The following PPP2R2B variants were observed in gnomAD, a reference collection of about 807,000 sequenced individuals.
PPP2R2B encodes protein phosphatase 2 regulatory subunit Bbeta, also known as serine/threonine-protein phosphatase 2A 55 kDa regulatory subunit B beta isoform.
Under a neutral mutation model 46.0 loss-of-function variants are expected in PPP2R2B, and 5 were observed. That is an observed-to-expected ratio of 0.11 (90% CI 0.06 to 0.23). The LOEUF is 0.23. Among genes scored for constraint, PPP2R2B ranks in the 10% least tolerant of loss-of-function variants. The pLI is 1.00. For missense variants in PPP2R2B, 367 were observed against 575.0 expected (o/e 0.64, Z 3.70); for synonymous variants, 215 against 206.7 (o/e 1.04, Z -0.34).
At chr5:146,998,937 C>A (rs1754039857) in intron 1 of PPP2R2B, among the ~76,000 whole-genome samples, 1 of 149,176 alleles carries the variant, frequency 6.7e-6, no homozygotes, top group African/African-American at 2.5e-5. Flanking sequence ...GAGCGGGAAC[C>A]CGGGAGGCGG....
At chr5:146,978,071 A>T (rs904777615) in intron 1 of PPP2R2B, among the ~76,000 whole-genome samples, 1 of 152,156 alleles carries the variant, frequency 6.6e-6, no homozygotes, top group African/African-American at 2.4e-5. Flanking sequence ...CACCATTCTA[A>T]CTGGCATGAG....
chr5:146,652,887 A>C (rs984344839), intron 5 of PPP2R2B, among the ~76,000 whole-genome samples: 1 of 152,218 alleles, frequency 6.6e-6, no homozygotes, highest in Admixed American at 6.5e-5. Context: ...ATGGAAAACA[A>C]GTTAGAGGAA....
At chr5:147,037,601 C>A (rs1209560890) in intron 1 of PPP2R2B, among the ~76,000 whole-genome samples, 1 of 151,906 alleles carries the variant, frequency 6.6e-6, no homozygotes, top group African/African-American at 2.4e-5. Context: ...GTTGAGTGAG[C>A]AAGAAACTTT....
intron 2 of PPP2R2B, among the ~76,000 whole-genome samples, chr5:146,705,711 G>A (rs1436537068): frequency 6.6e-6 from 1 of 152,104 alleles, no homozygotes; most frequent in Non-Finnish European, 1.5e-5. Context: ...CTGAAATAGT[G>A]CATTTGAGCA....
At chr5:146,842,686 A>G (rs1167208149) in intron 2 of PPP2R2B, among the ~76,000 whole-genome samples, 1 of 151,816 alleles carries the variant, frequency 6.6e-6, no homozygotes, top group Non-Finnish European at 1.5e-5. Context: ...GTTCCTCTCT[A>G]TGTATCCGTG....
At chr5:146,745,156 A>AAC (rs1753097574) in intron 2 of PPP2R2B, among the ~76,000 whole-genome samples, 1 of 106,056 alleles carries the variant, frequency 9.4e-6, no homozygotes, top group African/African-American at 3.7e-5. Context: ...CGTGCAGAGA[A>AAC]AGACAGAGAG....
chr5:146,709,862 A>G (rs1450565307), intron 2 of PPP2R2B, among the ~76,000 whole-genome samples: 1 of 152,204 alleles, frequency 6.6e-6, no homozygotes, highest in Non-Finnish European at 1.5e-5. Context: ...GTTTTCTGTT[A>G]TATTCATCTA....
intron 1 of PPP2R2B, among the ~76,000 whole-genome samples, chr5:146,995,004 A>G (rs1303532467): frequency 6.6e-6 from 1 of 152,168 alleles, no homozygotes; most frequent in Non-Finnish European, 1.5e-5. Flanking sequence ...GTGGGTGCAG[A>G]AGAGACTCCC....
rs561979732 is a variant in PPP2R2B, at chr5:146,700,525, A to G, written c.168+520T>C. Among the ~76,000 whole-genome samples, 5 of 152,256 alleles carry G rather than the reference A, an allele frequency of 3.3e-5. No individual in the cohort carries two copies. The South Asian group carries it at 6.2e-4, about 19-fold the overall frequency. On this transcript the variant is annotated intron_variant, in intron 3 of 9. Transcript: ENST00000394411. ...CTCCAGGGCCCTCTGTGTCACCTAC[A>G]GTGATACTGTGATGTGTGTCATAAG...
chr5:146,675,619 A>G (rs1777657914), intron 5 of PPP2R2B, among the ~76,000 whole-genome samples: 1 of 152,164 alleles, frequency 6.6e-6, no homozygotes, highest in Non-Finnish European at 1.5e-5. Flanking sequence ...GGTGGCTGCT[A>G]TTGTTAGATT....
intron 1 of PPP2R2B, among the ~76,000 whole-genome samples, chr5:147,020,919 C>T (rs1032273788): frequency 8.5e-5 from 13 of 152,238 alleles, no homozygotes; most frequent in African/African-American, 3.1e-4. Context: ...ACTAAATTTT[C>T]CAGGTCTATT....
In PPP2R2B at chr5:146,638,730, A is replaced by G. The variant is rs190035464; in HGVS notation, c.626-315T>C. Among the ~76,000 whole-genome samples the G allele has an allele frequency of 2.3e-3, 349 of 152,340 alleles. 1 individual carries two copies. The highest frequency in any genetic ancestry group is 3.6e-3 in the Non-Finnish European group (245 of 68,032). On this transcript the variant is annotated intron_variant, in intron 6 of 9. Coordinates refer to ENST00000394411, the MANE Select transcript of PPP2R2B (RefSeq NM_181675.4). The stretch of plus-strand genomic sequence containing the variant: ...TAACTGCTTGTGCAATCAGGCTAAA[A>G]TGTACCAAGTTGCAAAGATTTTGCT...
upstream of PPP2R2B, among the ~76,000 whole-genome samples, chr5:147,060,626 T>G (rs1324997737): frequency 6.6e-6 from 1 of 152,056 alleles, no homozygotes; most frequent in Non-Finnish European, 1.5e-5. Flanking sequence ...AGTGAGAGTC[T>G]GTCTTAAAAA....
chr5:146,921,597 A>C (rs1048313226), intron 1 of PPP2R2B, among the ~76,000 whole-genome samples: 8 of 152,210 alleles, frequency 5.3e-5, no homozygotes, highest in African/African-American at 1.4e-4. Flanking sequence ...AGTTAAACAT[A>C]ATCCTGCTAG....
At chr5:146,814,337 T>C (rs1179503727) in intron 2 of PPP2R2B, among the ~76,000 whole-genome samples, 1 of 152,110 alleles carries the variant, frequency 6.6e-6, no homozygotes, top group Non-Finnish European at 1.5e-5. Flanking sequence ...AGATGACAGG[T>C]CCTTATGTTA....
intron 2 of PPP2R2B, among the ~76,000 whole-genome samples, chr5:146,791,109 T>A (rs1199776925): frequency 6.6e-6 from 1 of 152,212 alleles, no homozygotes; most frequent in African/African-American, 2.4e-5. Flanking sequence ...AGGACCTGTT[T>A]CTCTTCTTGT....
chr5:147,071,652 T>C (rs1421597567), intron 2 of PPP2R2B, among the ~76,000 whole-genome samples: 1 of 152,192 alleles, frequency 6.6e-6, no homozygotes, highest in Non-Finnish European at 1.5e-5. Flanking sequence ...TTTTTTGCCT[T>C]CTTCAAATCG....
intron 5 of PPP2R2B, among the ~76,000 whole-genome samples, chr5:146,669,250 T>C (rs1777192611): frequency 1.3e-5 from 2 of 152,130 alleles, no homozygotes; most frequent in African/African-American, 4.8e-5. Context: ...TATATATGCT[T>C]AGAATAATAT....
intron 2 of PPP2R2B, among the ~76,000 whole-genome samples, chr5:146,836,898 G>T (rs1283553834): frequency 6.6e-6 from 1 of 152,188 alleles, no homozygotes; most frequent in Non-Finnish European, 1.5e-5. Context: ...TTCCTCTGAA[G>T]TTCCTAATAC....
Sources: gnomAD v4.1 joint callset for allele counts (sites outside exome capture counted in the v4.1 genomes callset) on GRCh38, gnomAD v4.1.1 for gene constraint, MANE v1.5 for transcripts, NCBI Gene and HGNC (gene_info 2026-07-23, HGNC 2026-07-21) for gene names.